HDAC4: variants seen among roughly 807,000 people sequenced by gnomAD.
HDAC4 encodes histone deacetylase A.
In HDAC4, 16 loss-of-function variants were observed where a neutral mutation model predicts 135.1. The observed-to-expected ratio is 0.12, with a 90% confidence interval of 0.08 to 0.18. The LOEUF is 0.18. HDAC4 is among the 10% of genes least tolerant of loss of function. The pLI is 1.00. For synonymous variants in HDAC4, 685 were observed against 653.4 expected, an observed-to-expected ratio of 1.05 and a Z score of -0.74; for missense variants, 1,143 against 1,511.8, an observed-to-expected ratio of 0.76 and a Z score of 4.05.
chr2:239,303,632 A>G lies in HDAC4; in HGVS notation c.22+49046T>C, dbSNP rs2052401061. ...TTAATTCACAATTGAGGAAACCAACAGGTTGAGCTGCTGCCTCAAGTAAAA... is the reference window on the plus strand; with the variant it reads ...TTAATTCACAATTGAGGAAACCAACGGGTTGAGCTGCTGCCTCAAGTAAAA... On this transcript the variant is annotated intron_variant, in intron 2 of 26. Transcript: ENST00000543185. The surrounding 1 kb of genome is among the most constrained non-coding windows in gnomAD (Gnocchi z 5.1). Among the ~76,000 whole-genome samples, 1 of 151,780 alleles carries G rather than the reference A, an allele frequency of 6.6e-6. No homozygotes were observed. The highest frequency in any genetic ancestry group is 6.6e-5 in the Admixed American group (1 of 15,242).
intron 11 of HDAC4, among the ~76,000 whole-genome samples, chr2:239,126,895 T>C (rs1447512856): frequency 1.3e-5 from 2 of 152,232 alleles, no homozygotes; most frequent in Non-Finnish European, 2.9e-5. Flanking sequence ...TTTGGGACTA[T>C]AGGAACCATA....
At chr2:239,162,708 C>T (rs772801826) in intron 6 of HDAC4, among the ~76,000 whole-genome samples, 11 of 152,120 alleles carry the variant, frequency 7.2e-5, no homozygotes, top group South Asian at 2.1e-4. Context: ...GTGTGTCTGC[C>T]GTGAGTGCAG....
intron 7 of HDAC4, among the ~76,000 whole-genome samples, chr2:239,151,083 T>C (rs2042090505): frequency 6.6e-6 from 1 of 152,264 alleles, no homozygotes; most frequent in African/African-American, 2.4e-5. Flanking sequence ...AGAGAGCCCC[T>C]TCCCAAACTC....
rs1441051322 is a variant in HDAC4 at position 239,167,419 on chromosome 2, T to C, written c.491-3496A>G. Among the ~76,000 whole-genome samples, 2 of 152,194 alleles carry C rather than the reference T, an allele frequency of 1.3e-5. No homozygotes were observed. Among genetic ancestry groups the C allele is most frequent in the Non-Finnish European group, 2.9e-5 (2 of 68,034 alleles). On this transcript the variant is annotated intron_variant, in intron 5 of 26. Transcript: ENST00000543185. The surrounding 1 kb of genome is among the most constrained non-coding windows in gnomAD (Gnocchi z 4.1). ...GGGCATGACTGGCGTTCATGCCCCA[T>C]GCAGTGGGGGGCAGACATGACTGGG...
Position 239,307,140 on chromosome 2 carries a change from TGGGTG to T in HDAC4, c.22+45533_22+45537del, listed in dbSNP as rs2052637257. On this transcript the variant is annotated intron_variant, in intron 2 of 26. Transcript: ENST00000543185. The surrounding 1 kb of genome is among the most constrained non-coding windows in gnomAD (Gnocchi z 4.8). ...CCAGCTCTGTGCCTGCCGTCCATCC[TGGGTG>T]CCCACGAGGGGTCTGGAAACCCTGA... Among the ~76,000 whole-genome samples, 1 of 152,064 alleles carries T rather than the reference TGGGTG, an allele frequency of 6.6e-6. No individual in the cohort carries two copies. Among genetic ancestry groups the T allele is most frequent in the East Asian group, 1.9e-4 (1 of 5,144 alleles).
intron 8 of HDAC4, among the ~76,000 whole-genome samples, chr2:239,143,110 T>C (rs965688556): frequency 1.3e-5 from 2 of 152,162 alleles, no homozygotes; most frequent in Non-Finnish European, 2.9e-5. Context: ...ACAAGCTCCT[T>C]CCAGGGAAGG....
intron 12 of HDAC4, among the ~76,000 whole-genome samples, chr2:239,118,297 C>A (rs1302637709): frequency 1.3e-5 from 2 of 152,178 alleles, no homozygotes; most frequent in Non-Finnish European, 2.9e-5. Flanking sequence ...TATCTCTAAA[C>A]CGAAGGCAGC....
At chr2:239,142,451 C>G (rs2041448886) in intron 8 of HDAC4, among the ~76,000 whole-genome samples, 1 of 152,242 alleles carries the variant, frequency 6.6e-6, no homozygotes, top group African/African-American at 2.4e-5. Flanking sequence ...GATGCACAAC[C>G]CTCTGCCTCT....
Position 239,199,990 on chromosome 2 carries a change from G to A in HDAC4, c.95-9913C>T, listed in dbSNP as rs192023465. On this transcript the variant is annotated intron_variant, in intron 3 of 26. Transcript: ENST00000543185. ...CCTGACCTCATGATCCATCTGCCTC[G>A]GCCTCCCAAAGTGCTGGGATTACAG... 6.4e-4 allele frequency among the ~76,000 whole-genome samples: 98 copies of A among 152,138 alleles called. 1 individual carries two copies. The Middle Eastern group carries it at 0.021, about 32-fold the overall frequency.
intron 2 of HDAC4, among the ~76,000 whole-genome samples, chr2:239,344,086 A>T (rs1284937746): frequency 6.6e-6 from 1 of 152,186 alleles, no homozygotes; most frequent in African/African-American, 2.4e-5. Context: ...ATGGTCAAGT[A>T]GAGCCAGACC....
chr2:239,197,999 T>C (rs943142340), intron 3 of HDAC4, among the ~76,000 whole-genome samples: 5 of 152,014 alleles, frequency 3.3e-5, no homozygotes, highest in Non-Finnish European at 5.9e-5. Flanking sequence ...ATTACAGGTG[T>C]GCACCACCAT....
Position 239,139,890 on chromosome 2 carries a change from C to T in HDAC4, c.866-94G>A, listed in dbSNP as rs2041243209. ...CGAATGCCCGGTGCCTTCCACGGAC[C>T]TGCTCGTTAGCTTGCGACAGGCAGA... is the stretch of plus-strand genomic sequence containing the variant. On this transcript the variant is annotated intron_variant, in intron 8 of 26. Coordinates refer to ENST00000543185, the MANE Select transcript of HDAC4 (RefSeq NM_001378414.1). This position sits in a 1 kb window ranked among gnomAD's most constrained non-coding sequence, Gnocchi z 5.3. 2.1e-6 allele frequency: 2 copies of T among 965,122 alleles called. No homozygotes were observed. The highest frequency in any genetic ancestry group is 2.6e-5 in the South Asian group (2 of 75,816). The allele number at this position is 965,122 out of a possible 1,614,324, so 59.8% of individuals were successfully genotyped here. A position where few individuals can be genotyped will look rare whatever the true frequency, so the allele number is the denominator to read the frequency against.
At chr2:239,214,921 C>T (rs890956098) in intron 3 of HDAC4, among the ~76,000 whole-genome samples, 1 of 152,080 alleles carries the variant, frequency 6.6e-6, no homozygotes, top group Non-Finnish European at 1.5e-5. Context: ...GGAGAGGCCG[C>T]GGGAGAAGCA....
intron 2 of HDAC4, among the ~76,000 whole-genome samples, chr2:239,279,417 G>A (rs529600678): frequency 2.0e-5 from 3 of 152,312 alleles, no homozygotes; most frequent in South Asian, 2.1e-4. Flanking sequence ...TCTTACAGAC[G>A]AGAAAATCAA....
chr2:239,373,109 C>T (rs1248569928), intron 1 of HDAC4, among the ~76,000 whole-genome samples: 2 of 152,118 alleles, frequency 1.3e-5, no homozygotes, highest in Non-Finnish European at 2.9e-5. Flanking sequence ...GAGCACAGCC[C>T]TGGGAGTGGG....
chr2:239,387,947 G>A (rs779965250), intron 1 of HDAC4, among the ~76,000 whole-genome samples: 5 of 152,164 alleles, frequency 3.3e-5, no homozygotes, highest in Non-Finnish European at 7.4e-5. Context: ...CACCGCTCTC[G>A]CTTGGGGCCG....
chr2:239,344,664 C>T (rs879366703), intron 2 of HDAC4, among the ~76,000 whole-genome samples: 6 of 152,318 alleles, frequency 3.9e-5, no homozygotes, highest in Non-Finnish European at 5.9e-5. Flanking sequence ...GAGCTGCAGA[C>T]GCCCCGTGCC....
chr2:239,377,533 C>A (rs1695099490), intron 1 of HDAC4, among the ~76,000 whole-genome samples: 2 of 152,364 alleles, frequency 1.3e-5, no homozygotes, highest in South Asian at 4.1e-4. Context: ...TGCATCACCA[C>A]AATGGAGGGA....
At chr2:239,360,343 G>A (rs1435103064) in intron 1 of HDAC4, among the ~76,000 whole-genome samples, 2 of 152,206 alleles carry the variant, frequency 1.3e-5, no homozygotes, top group African/African-American at 4.8e-5. Flanking sequence ...CCCAGCCCCC[G>A]TGTCACAGCT....
Sources: gnomAD v4.1 joint callset for allele counts (sites outside exome capture counted in the v4.1 genomes callset) on GRCh38, gnomAD v4.1.1 for gene constraint, Gnocchi (gnomAD v3.1) non-coding constraint, MANE v1.5 for transcripts, NCBI Gene and HGNC (gene_info 2026-07-23, HGNC 2026-07-21) for gene names.